VPS50: variants seen among roughly 807,000 people sequenced by gnomAD.
VPS50 encodes VPS50 subunit of EARP/GARPII complex.
In VPS50, 70 loss-of-function variants were observed where a neutral mutation model predicts 139.7. The ratio of observed to expected loss-of-function variants is 0.50; its 90% confidence interval spans 0.41 to 0.61. VPS50 has a LOEUF of 0.61. Ranked by LOEUF, VPS50 falls within the 20% of genes least tolerant of loss-of-function variation. The pLI is 0.00. For synonymous variants in VPS50, 365 were observed against 376.7 expected (o/e 0.97, Z 0.36); for missense variants, 921 against 1,133.7 (o/e 0.81, Z 2.69).
At chr7:93,234,580 GC>G (rs764405088) in intron 1 of VPS50, among the ~76,000 whole-genome samples, 13 of 152,152 alleles carry the variant, frequency 8.5e-5, no homozygotes, top group Non-Finnish European at 1.8e-4. Context: ...AAATTAGTGT[GC>G]CTGCTATTTA....
intron 2 of VPS50, among the ~76,000 whole-genome samples, chr7:93,244,738 T>G (rs1795099427): frequency 6.6e-6 from 1 of 151,838 alleles, no homozygotes; most frequent in Admixed American, 6.6e-5. Flanking sequence ...GATAAAGACT[T>G]TCAATTTAGG....
chr7:93,317,917 ACTTT>A (rs1241326210), intron 20 of VPS50, among the ~76,000 whole-genome samples: 3 of 152,100 alleles, frequency 2.0e-5, no homozygotes, highest in Admixed American at 6.5e-5. Context: ...GTATCACAAT[ACTTT>A]CTTATGTGTT....
chr7:93,289,400 T>G (rs2116931625), intron 12 of VPS50, among the ~76,000 whole-genome samples: 1 of 152,216 alleles, frequency 6.6e-6, no homozygotes, highest in Admixed American at 6.5e-5. Flanking sequence ...TTAAGAATTC[T>G]ATATAAATGT....
At chr7:93,309,839 G>T (rs922623163) in intron 19 of VPS50, among the ~76,000 whole-genome samples, 6 of 151,776 alleles carry the variant, frequency 4.0e-5, no homozygotes, top group Non-Finnish European at 7.4e-5. Flanking sequence ...TATACTTTTT[G>T]CTTAATGATA....
intron 27 of VPS50, among the ~76,000 whole-genome samples, chr7:93,356,856 T>C (rs1176899240): frequency 1.3e-5 from 2 of 152,096 alleles, no homozygotes; most frequent in African/African-American, 4.8e-5. Context: ...GGTAAGAAAA[T>C]AATTATTTGT....
intron 11 of VPS50, among the ~76,000 whole-genome samples, chr7:93,275,565 G>GT (rs534322030): frequency 5.3e-5 from 8 of 152,056 alleles, no homozygotes; most frequent in Non-Finnish European, 1.0e-4. Context: ...TTTATATGTT[G>GT]TTTTTTAAAG....
chr7:93,266,897 C>A (rs1369247526), intron 9 of VPS50, among the ~76,000 whole-genome samples: 1 of 152,110 alleles, frequency 6.6e-6, no homozygotes, highest in Non-Finnish European at 1.5e-5. Context: ...TGCAGTTGTA[C>A]ATTTTGAAAG....
At position 93,358,372 on chromosome 7, in the gene VPS50, T is replaced by C; in HGVS notation, c.2831T>C (p.Ile944Thr). ...GTGAATGTTTGCCTGGGATCCCATA[T>C]CAATAAGAAAGCAAGACAAAAACTT... ...NLVNVCLGSH[I>T]NKKARQKLLA... Residue 944 changes from isoleucine (I) to threonine (T), a missense_variant, in exon 28 of 28, where the codon ATC becomes ACC. By Grantham distance (89) the Ile-to-Thr change is moderately conservative. Coordinates refer to ENST00000305866, the MANE Select transcript of VPS50 (RefSeq NM_017667.4). The C allele has an allele frequency of 1.9e-6, 3 of 1,612,192 alleles. No homozygotes were observed. The highest frequency in any genetic ancestry group is 2.5e-6 in the Non-Finnish European group (3 of 1,178,452).
chr7:93,249,189 ACAGATTCAT>A (rs1182760742), intron 2 of VPS50, among the ~76,000 whole-genome samples: 6 of 152,102 alleles, frequency 3.9e-5, no homozygotes, highest in Non-Finnish European at 5.9e-5. Flanking sequence ...TACTCCTTTT[ACAGATTCAT>A]CATGTTTTTG....
rs114128338 is a variant in VPS50 at position 93,280,501 on chromosome 7, G to A, written c.942+4196G>A. Among the ~76,000 whole-genome samples the A allele has an allele frequency of 5.1e-3, 781 of 151,960 alleles. 7 individuals are homozygous for A. Among genetic ancestry groups the A allele is most frequent in the African/African-American group, 0.017 (724 of 41,514 alleles). On this transcript the variant is annotated intron_variant, in intron 12 of 27. Transcript: ENST00000305866. ...AAAAAATTAGGCCTTGTTTGTGATT[G>A]CATTTACATTTTGATGTACCCTACA...
rs185411588 is a variant in VPS50, at chr7:93,312,257, G to A, written c.1855+985G>A. Among the ~76,000 whole-genome samples the A allele has an allele frequency of 1.2e-3, 179 of 152,292 alleles. 2 individuals carry two copies. Among genetic ancestry groups the A allele is most frequent in the African/African-American group, 4.2e-3 (174 of 41,566 alleles). On this transcript the variant is annotated intron_variant, in intron 20 of 27. Coordinates refer to ENST00000305866, the MANE Select transcript of VPS50 (RefSeq NM_017667.4). Reference sequence around the variant, plus strand: ...TTCTGTGGCTAATTATTGCCAGGGAGCTAAGCTTTTCTTCTTCTTCCAAGA... The same window carrying A: ...TTCTGTGGCTAATTATTGCCAGGGAACTAAGCTTTTCTTCTTCTTCCAAGA...
At chr7:93,256,904 A>G (rs1584394681) in intron 5 of VPS50, among the ~76,000 whole-genome samples, 1 of 152,138 alleles carries the variant, frequency 6.6e-6, no homozygotes, top group East Asian at 1.9e-4. Context: ...TGGCTTTAAA[A>G]TATGATAAAA....
rs370414047 is a variant in VPS50 at position 93,310,410 on chromosome 7, G to GA, written c.1749-755dup. ...TTATTAAATCAACTCCTTTACCTTGGATTCTTGTCTCTAGGCTTGCCCCAT... is the reference window on the plus strand; with the variant it reads ...TTATTAAATCAACTCCTTTACCTTGGAATTCTTGTCTCTAGGCTTGCCCCAT... On this transcript the variant is annotated intron_variant, in intron 19 of 27. Transcript: ENST00000305866. Among the ~76,000 whole-genome samples the GA allele has an allele frequency of 3.2e-3, 489 of 151,442 alleles. 1 individual carries two copies. Among genetic ancestry groups the GA allele is most frequent in the African/African-American group, 0.011 (464 of 41,344 alleles).
At chr7:93,325,224 T>G (rs577698703) in intron 21 of VPS50, among the ~76,000 whole-genome samples, 2,049 of 152,174 alleles carry the variant, frequency 0.013, 53 homozygotes, top group African/African-American at 0.046. Context: ...AAATGGTGCT[T>G]GGAAAACTGG....
At chr7:93,328,779 A>G (rs1797855593) in intron 21 of VPS50, among the ~76,000 whole-genome samples, 1 of 152,208 alleles carries the variant, frequency 6.6e-6, no homozygotes, top group African/African-American at 2.4e-5. Flanking sequence ...AGAAAACTGG[A>G]AACACTGAAA....
At chr7:93,264,894 T>C (rs1448371171) in intron 9 of VPS50, among the ~76,000 whole-genome samples, 1 of 152,182 alleles carries the variant, frequency 6.6e-6, no homozygotes, top group African/African-American at 2.4e-5. Context: ...TGAGTGCTTG[T>C]TGGTTGGTCA....
chr7:93,301,721 T>C (rs1056466255), intron 16 of VPS50, among the ~76,000 whole-genome samples: 2 of 152,178 alleles, frequency 1.3e-5, no homozygotes, highest in African/African-American at 2.4e-5. Context: ...AAATTTTTGC[T>C]TGTTTAAGTC....
intron 21 of VPS50, among the ~76,000 whole-genome samples, chr7:93,329,865 GA>G: frequency 6.6e-6 from 1 of 152,224 alleles, no homozygotes; most frequent in African/African-American, 2.4e-5. Flanking sequence ...AATACTAAGA[GA>G]ATTTGTCACA....
At chr7:93,350,343 A>G (rs1798521429) in intron 25 of VPS50, among the ~76,000 whole-genome samples, 1 of 152,188 alleles carries the variant, frequency 6.6e-6, no homozygotes, top group Non-Finnish European at 1.5e-5. Flanking sequence ...CTGTTTAATT[A>G]GAAATTATTT....
Sources: gnomAD v4.1 joint callset for allele counts (sites outside exome capture counted in the v4.1 genomes callset) on GRCh38, gnomAD v4.1.1 for gene constraint, MANE v1.5 for transcripts, NCBI Gene and HGNC (gene_info 2026-07-23, HGNC 2026-07-21) for gene names.